The following NCKAP5 variants were observed in gnomAD, a reference collection of about 807,000 sequenced individuals.
NCKAP5 encodes the protein nck-associated protein 5.
Under a neutral mutation model 167.0 loss-of-function variants are expected in NCKAP5, and 92 were observed. That is an observed-to-expected ratio of 0.55 (90% CI 0.47 to 0.66). The LOEUF (loss-of-function observed/expected upper bound fraction) is 0.66. Ranked by LOEUF, NCKAP5 falls within the 30% of genes least tolerant of loss-of-function variation. NCKAP5 has a pLI of 0.00. For synonymous variants in NCKAP5, 891 were observed against 877.4 expected, an observed-to-expected ratio of 1.02 and a Z score of -0.27; for missense variants, 2,378 against 2,315.0, an observed-to-expected ratio of 1.03 and a Z score of -0.56.
At chr2:133,157,477 T>C (rs751312727) in intron 5 of NCKAP5, among the ~76,000 whole-genome samples, 15 of 152,230 alleles carry the variant, frequency 9.9e-5, no homozygotes, top group Non-Finnish European at 1.8e-4. Context: ...ATTTAGCTAA[T>C]CTTATTGAGT....
rs1055009717 is a variant in NCKAP5, at chr2:133,383,566, T to G, written c.70-80456A>C. 2.6e-5 allele frequency among the ~76,000 whole-genome samples: 4 copies of G among 152,332 alleles called. No individual in the cohort carries two copies. The South Asian group carries it at 8.3e-4, about 32-fold the overall frequency. The stretch of plus-strand genomic sequence containing the variant: ...TTCTAGCAGCATGATTTATATTCCT[T>G]TGGTTATATACCCAGTAATGGGATG... On this transcript the variant is annotated intron_variant, in intron 3 of 19. Coordinates refer to ENST00000409261, the MANE Select transcript of NCKAP5 (RefSeq NM_207363.3).
At chr2:133,317,288 GA>G (rs1180852251) in intron 3 of NCKAP5, among the ~76,000 whole-genome samples, 2 of 152,130 alleles carry the variant, frequency 1.3e-5, no homozygotes, top group African/African-American at 2.4e-5. Flanking sequence ...ACTGAACTGG[GA>G]AAAACTGCAA....
At chr2:132,823,036 C>A (rs1464920727) in intron 11 of NCKAP5, among the ~76,000 whole-genome samples, 2 of 152,100 alleles carry the variant, frequency 1.3e-5, no homozygotes, top group Non-Finnish European at 2.9e-5. Flanking sequence ...ATGAACAAAA[C>A]CTCTAAGAAA....
intron 6 of NCKAP5, among the ~76,000 whole-genome samples, chr2:133,119,623 TTAA>T (rs1302370542): frequency 6.6e-6 from 1 of 152,166 alleles, no homozygotes; most frequent in Non-Finnish European, 1.5e-5. Flanking sequence ...TACGAATGTA[TTAA>T]AATATCACTT....
At chr2:133,417,500 G>A (rs559635889) in intron 3 of NCKAP5, among the ~76,000 whole-genome samples, 72 of 152,240 alleles carry the variant, frequency 4.7e-4, no homozygotes, top group Non-Finnish European at 9.8e-4. Context: ...CCAGAGCAGT[G>A]GCAGGTGTCC....
At chr2:133,300,753 A>G (rs1403814030) in intron 4 of NCKAP5, among the ~76,000 whole-genome samples, 4 of 121,456 alleles carry the variant, frequency 3.3e-5, no homozygotes, top group African/African-American at 1.4e-4. Flanking sequence ...GCTCCTATTC[A>G]ACATAGTGTT....
At chr2:133,061,340 T>C (rs1489694622) in intron 6 of NCKAP5, among the ~76,000 whole-genome samples, 1 of 152,212 alleles carries the variant, frequency 6.6e-6, no homozygotes, top group Non-Finnish European at 1.5e-5. Context: ...GCCCCCACGC[T>C]AGGCACCGTA....
At chr2:132,966,780 A>G (rs2076682468) in intron 7 of NCKAP5, among the ~76,000 whole-genome samples, 1 of 152,180 alleles carries the variant, frequency 6.6e-6, no homozygotes, top group Non-Finnish European at 1.5e-5. Flanking sequence ...ACACACATGT[A>G]TTTTATCTGT....
intron 11 of NCKAP5, among the ~76,000 whole-genome samples, chr2:132,810,903 C>G (rs1370415406): frequency 3.3e-5 from 5 of 152,044 alleles, no homozygotes; most frequent in Non-Finnish European, 5.9e-5. Context: ...TGGGTGGGCT[C>G]TGTCAGAGGG....
chr2:132,905,386 T>C (rs968169835), intron 8 of NCKAP5, among the ~76,000 whole-genome samples: 2 of 152,230 alleles, frequency 1.3e-5, no homozygotes, highest in African/African-American at 2.4e-5. Flanking sequence ...ATATATGATA[T>C]GGCGAGCCAG....
rs147447741 is a variant in NCKAP5, at chr2:132,947,664, T to C, written c.579+16056A>G. On this transcript the variant is annotated intron_variant, in intron 8 of 19. Transcript: ENST00000409261. ...ATTCAACCCAGCGAGCTCTGTCCAATAGGAATTCAAGGTGAAATGTGGCTC... is the reference window on the plus strand; with the variant it reads ...ATTCAACCCAGCGAGCTCTGTCCAACAGGAATTCAAGGTGAAATGTGGCTC... Among the ~76,000 whole-genome samples, 70 of 152,270 alleles carry C rather than the reference T, an allele frequency of 4.6e-4. 1 individual carries two copies. In the East Asian group the frequency reaches 0.013, roughly 28 times the overall value.
chr2:133,634,218 T>C, the NCKAP5 span, among the ~76,000 whole-genome samples: 1 of 152,194 alleles, frequency 6.6e-6, no homozygotes, highest in Non-Finnish European at 1.5e-5. Flanking sequence ...CCCGGGGCGC[T>C]AACTAAGGTG....
chr2:133,180,920 C>T (rs1176320014), intron 5 of NCKAP5, among the ~76,000 whole-genome samples: 2 of 151,658 alleles, frequency 1.3e-5, no homozygotes, highest in South Asian at 2.1e-4. Flanking sequence ...TATTTGCAAA[C>T]TATGTATCTA....
intron 19 of NCKAP5, among the ~76,000 whole-genome samples, chr2:132,708,542 G>A (rs1297136801): frequency 6.6e-6 from 1 of 152,090 alleles, no homozygotes; most frequent in Non-Finnish European, 1.5e-5. Context: ...CACAGTAGAA[G>A]AGAGCACCAG....
chr2:133,320,546 G>A (rs1404401525), intron 3 of NCKAP5, among the ~76,000 whole-genome samples: 9 of 152,226 alleles, frequency 5.9e-5, no homozygotes, highest in African/African-American at 2.2e-4. Flanking sequence ...GGCTAACATG[G>A]TGAAACCCCG....
intron 4 of NCKAP5, among the ~76,000 whole-genome samples, chr2:133,280,366 T>C (rs549199863): frequency 6.6e-6 from 1 of 152,312 alleles, no homozygotes; most frequent in South Asian, 2.1e-4. Flanking sequence ...AACCCTAGCA[T>C]AGGGATAGTT....
intron 6 of NCKAP5, among the ~76,000 whole-genome samples, chr2:133,060,878 A>G (rs2079975185): frequency 6.6e-6 from 1 of 152,106 alleles, no homozygotes; most frequent in African/African-American, 2.4e-5. Flanking sequence ...TTCATCATTC[A>G]GGCTGCTCTC....
chr2:133,074,904 G>T (rs1416525778), intron 6 of NCKAP5, among the ~76,000 whole-genome samples: 3 of 152,090 alleles, frequency 2.0e-5, no homozygotes, highest in Non-Finnish European at 4.4e-5. Flanking sequence ...AAAAGAAAGA[G>T]ATTGGAGCAG....
chr2:132,885,814 A>C (rs1692170052), intron 8 of NCKAP5, among the ~76,000 whole-genome samples: 1 of 152,214 alleles, frequency 6.6e-6, no homozygotes, highest in African/African-American at 2.4e-5. Context: ...ATCTTTGTAT[A>C]CTATAAATTT....
Sources: gnomAD v4.1 joint callset for allele counts (sites outside exome capture counted in the v4.1 genomes callset) on GRCh38, gnomAD v4.1.1 for gene constraint, MANE v1.5 for transcripts, NCBI Gene and HGNC (gene_info 2026-07-23, HGNC 2026-07-21) for gene names.